AFF1: variants seen among roughly 807,000 people sequenced by gnomAD.
AFF1 encodes the protein ALF transcription elongation factor 1, also known as AF4/FMR2 family member 1.
Under a neutral mutation model 121.7 loss-of-function variants are expected in AFF1, and 48 were observed. The observed-to-expected ratio is 0.39, with a 90% CI of 0.31 to 0.50. The LOEUF (loss-of-function observed/expected upper bound fraction) is 0.50, where lower values mean the gene tolerates loss of function less well. AFF1 is among the 20% of genes least tolerant of loss of function. The probability of loss-of-function intolerance (pLI) is 0.76; values close to 1 mark genes in which losing one functional copy is unlikely to be tolerated. For synonymous variants in AFF1, 613 were observed against 563.0 expected (o/e 1.09, Z -1.26); for missense variants, 1,523 against 1,511.7 (o/e 1.01, Z -0.12).
At chr4:86,979,313 G>A (rs1381860955) in intron 2 of AFF1, among the ~76,000 whole-genome samples, 2 of 152,080 alleles carry the variant, frequency 1.3e-5, no homozygotes, top group African/African-American at 4.8e-5. Flanking sequence ...CACCAGGCTG[G>A]TCTCGAACTC....
chr4:87,135,824 C>T lies in AFF1; in HGVS notation c.*123C>T. 3.7e-6 allele frequency: 5 copies of T among 1,353,990 alleles called. No individual in the cohort carries two copies. The highest frequency in any genetic ancestry group is 1.9e-5 in the South Asian group (1 of 54,016). 83.9% of individuals were successfully genotyped at this position (1,353,990 alleles called of 1,614,324 possible). A position where few individuals can be genotyped will look rare whatever the true frequency, so the allele number is the denominator to read the frequency against. On this transcript the variant is annotated 3_prime_UTR_variant, in exon 21 of 21. Coordinates refer to ENST00000395146, the MANE Select transcript of AFF1 (RefSeq NM_001166693.3). ...TAAAAAAGAAGCACCACGAGATGGC[C>T]AGGACATTTGTCCACTTAAACTCTC...
intron 12 of AFF1, among the ~76,000 whole-genome samples, chr4:87,122,881 TAAAAAAAAAAAAA>T (rs3036188): frequency 3.1e-5 from 3 of 96,646 alleles, no homozygotes; most frequent in African/African-American, 1.3e-4. Context: ...GGAAAATTAG[TAAAAAAAAAAAAA>T]AAAAAAAAAA....
At chr4:87,129,577 C>T (rs926936425) in intron 16 of AFF1, among the ~76,000 whole-genome samples, 4 of 152,136 alleles carry the variant, frequency 2.6e-5, no homozygotes, top group Admixed American at 6.5e-5. Context: ...TGAAGCAAAC[C>T]GGTCATGCCA....
chr4:87,116,439 C>G (rs1727130143), intron 12 of AFF1, among the ~76,000 whole-genome samples: 1 of 152,014 alleles, frequency 6.6e-6, no homozygotes, highest in Admixed American at 6.6e-5. Flanking sequence ...GAATCAGAGA[C>G]AAAGTCACAA....
At chr4:86,970,172 A>G (rs1007707492) in intron 2 of AFF1, among the ~76,000 whole-genome samples, 6 of 152,068 alleles carry the variant, frequency 3.9e-5, no homozygotes, top group African/African-American at 1.4e-4. Context: ...CATAATGTGC[A>G]TATATCAATT....
At chr4:87,029,041 A>T (rs1156990998) in intron 2 of AFF1, among the ~76,000 whole-genome samples, 3 of 152,114 alleles carry the variant, frequency 2.0e-5, no homozygotes, top group Non-Finnish European at 4.4e-5. Flanking sequence ...CAGGTAAATT[A>T]ATGGTGGGTC....
intron 4 of AFF1, among the ~76,000 whole-genome samples, chr4:87,079,739 G>A (rs1286181175): frequency 1.3e-5 from 2 of 152,168 alleles, no homozygotes; most frequent in African/African-American, 4.8e-5. Context: ...TATTTTATTT[G>A]TAAATACCTC....
At chr4:86,949,960 G>C in intron 2 of AFF1, 5 of 1,614,204 alleles carry the variant, frequency 3.1e-6, no homozygotes, top group Non-Finnish European at 4.2e-6. Context: ...GGGCCATGTG[G>C]ATGGAGAAGT....
intron 2 of AFF1, among the ~76,000 whole-genome samples, chr4:87,017,222 A>G (rs1218086506): frequency 1.3e-5 from 2 of 150,996 alleles, no homozygotes; most frequent in African/African-American, 4.9e-5. Context: ...TGCCTAGCCT[A>G]ACTTTGAACT....
chr4:87,104,613 T>C (rs1169870581), intron 8 of AFF1, among the ~76,000 whole-genome samples: 1 of 152,198 alleles, frequency 6.6e-6, no homozygotes, highest in Admixed American at 6.5e-5. Context: ...TAGTGATTTT[T>C]ACCAGGATTT....
intron 2 of AFF1, among the ~76,000 whole-genome samples, chr4:86,983,273 A>G (rs1434083469): frequency 6.6e-6 from 1 of 152,176 alleles, no homozygotes; most frequent in Non-Finnish European, 1.5e-5. Context: ...CACTCCTGTA[A>G]TCCCAGCATT....
In AFF1 at chr4:87,059,972, C is replaced by A. The variant is rs78705057; in HGVS notation, c.1059+12378C>A. On this transcript the variant is annotated intron_variant, in intron 4 of 20. Transcript: ENST00000395146. ...CTCAGCTTGAGGATTTCTTACCCAG[C>A]TCACTCTGGTCTGGAGTCTGAAAGA... Among the ~76,000 whole-genome samples the A allele has an allele frequency of 7.3e-3, 1,105 of 152,316 alleles. 14 individuals carry two copies. The highest frequency in any genetic ancestry group is 0.025 in the African/African-American group (1,044 of 41,558).
At chr4:87,070,536 A>C (rs1262648377) in intron 4 of AFF1, among the ~76,000 whole-genome samples, 1 of 152,270 alleles carries the variant, frequency 6.6e-6, no homozygotes, top group Non-Finnish European at 1.5e-5. Flanking sequence ...AAAACTGAAA[A>C]TATTGGCAGC....
At chr4:87,086,765 C>T (rs1454792682) in intron 5 of AFF1, among the ~76,000 whole-genome samples, 3 of 152,158 alleles carry the variant, frequency 2.0e-5, no homozygotes, top group Admixed American at 6.6e-5. Context: ...TCCCGGTTCC[C>T]GTTCTCATCT....
At chr4:87,075,510 C>T (rs1722563140) in intron 4 of AFF1, among the ~76,000 whole-genome samples, 1 of 152,138 alleles carries the variant, frequency 6.6e-6, no homozygotes, top group African/African-American at 2.4e-5. Flanking sequence ...ATTATTTCTT[C>T]ATCTTCTATC....
chr4:87,127,611 A>G (rs750654261), intron 15 of AFF1, 32 bp from the exon 16 acceptor site: 5 of 1,613,244 alleles, frequency 3.1e-6, no homozygotes, highest in Non-Finnish European at 3.4e-6. Flanking sequence ...TTTGGCTCAT[A>G]TGACCTGTCC....
Position 86,995,437 on chromosome 4 carries a change from G to A in AFF1, c.38+46866G>A, listed in dbSNP as rs910889204. Among the ~76,000 whole-genome samples, 29 of 148,760 alleles carry A rather than the reference G, an allele frequency of 1.9e-4. 1 individual carries two copies. Among genetic ancestry groups the A allele is most frequent in the Admixed American group, 8.7e-4 (13 of 14,908 alleles). On this transcript the variant is annotated intron_variant, in intron 2 of 20. Transcript: ENST00000395146. ...CCTGATTCTCCTGCCTCAGCCTGCCGAGTGCCTGCGATTGCAGGCGCGCGC... is the reference window on the plus strand; with the variant it reads ...CCTGATTCTCCTGCCTCAGCCTGCCAAGTGCCTGCGATTGCAGGCGCGCGC...
chr4:87,130,558 A>T (rs1458885193), intron 16 of AFF1, among the ~76,000 whole-genome samples: 1 of 152,156 alleles, frequency 6.6e-6, no homozygotes, highest in African/African-American at 2.4e-5. Flanking sequence ...GCCTCGGAGG[A>T]TGGTTTTGTG....
chr4:87,084,451 G>C (rs997265417), intron 5 of AFF1, among the ~76,000 whole-genome samples: 2 of 151,848 alleles, frequency 1.3e-5, no homozygotes, highest in African/African-American at 2.4e-5. Context: ...GCTGAGTCAG[G>C]CCTCCTGAAC....
Sources: gnomAD v4.1 joint callset for allele counts (sites outside exome capture counted in the v4.1 genomes callset) on GRCh38, gnomAD v4.1.1 for gene constraint, MANE v1.5 for transcripts, NCBI Gene and HGNC (gene_info 2026-07-23, HGNC 2026-07-21) for gene names.